DDX23: variants seen among roughly 807,000 people sequenced by gnomAD.
DDX23 encodes DEAD-box helicase 23.
Under a neutral mutation model 102.7 loss-of-function variants are expected in DDX23, and 33 were observed. The observed-to-expected ratio is 0.32, with a 90% CI of 0.24 to 0.43. DDX23 has a LOEUF of 0.43. Among genes scored for constraint, DDX23 ranks in the 20% least tolerant of loss-of-function variants. The pLI, the probability that DDX23 is intolerant of heterozygous loss-of-function variation, is 1.00. For synonymous variants in DDX23, 352 were observed against 376.0 expected, an observed-to-expected ratio of 0.94 and a Z score of 0.74; for missense variants, 549 against 1,086.6, an observed-to-expected ratio of 0.51 and a Z score of 6.96.
In DDX23 at chr12:48,843,941, T is replaced by C. The variant is rs1938618076; in HGVS notation, c.319A>G (p.Ser107Gly). 6.2e-7 allele frequency: 1 copy of C among 1,614,058 alleles called. No individual in the cohort carries two copies. The highest frequency in any genetic ancestry group is 8.5e-7 in the Non-Finnish European group (1 of 1,179,918). ...GCCCCCTCTCATTCCTTCATGTACC[T>C]GGATCGTTTACGGTCCTTGTCCCGT... ...HRRDKDRKRSSLSPGRGKDFK... is the reference protein window; with the variant it reads ...HRRDKDRKRSGLSPGRGKDFK... The change falls in exon 3 of 17, where the codon AGC (serine) becomes GGC (glycine). Residue 107 changes from serine (S) to glycine (G), a missense_variant and splice_region_variant. Physicochemically the swap from Ser to Gly is moderately conservative, Grantham distance 56. This residue lies in a region of DDX23 where 241 missense variants were observed against 267.0 expected (regional missense o/e 0.90). Coordinates refer to ENST00000308025, the MANE Select transcript of DDX23 (RefSeq NM_004818.3).
chr12:48,843,962 C>A lies in DDX23; in HGVS notation c.298G>T (p.Asp100Tyr), dbSNP rs1189150431. The change falls in exon 3 of 17, where the codon GAC (aspartate) becomes TAC (tyrosine). Residue 100 changes from aspartate (D) to tyrosine (Y), a missense_variant. By Grantham distance (160) the Asp-to-Tyr change is radical. Transcript: ENST00000308025. ...RDRDKDGHRR[D>Y]KDRKRSSLSP... ...TACCTGGATCGTTTACGGTCCTTGT[C>A]CCGTCTGTGCCCATCCTTGTCTCGA... The A allele has an allele frequency of 6.2e-7, 1 of 1,614,032 alleles. No homozygotes were observed. The highest frequency in any genetic ancestry group is 8.5e-7 in the Non-Finnish European group (1 of 1,180,014).
chr12:48,839,599 G>A (rs1439172340), intron 5 of DDX23: 1 of 332,074 alleles, frequency 3.0e-6, no homozygotes. Context: ...CTTTTAGGGT[G>A]AGCCCTAATC....
chr12:48,834,067 T>C (rs929184995), intron 12 of DDX23, among the ~76,000 whole-genome samples: 7 of 152,198 alleles, frequency 4.6e-5, no homozygotes, highest in African/African-American at 1.7e-4. Flanking sequence ...AGGCAGTTAT[T>C]AACCTGAACC....
chr12:48,840,098 G>C lies in DDX23; in HGVS notation c.329C>G (p.Pro110Arg). Residue 110 changes from proline to arginine, a missense_variant, in exon 4 of 17, where the codon CCT becomes CGT. Coordinates refer to ENST00000308025, the MANE Select transcript of DDX23 (RefSeq NM_004818.3). ...AGATTTAAAGTCTTTTCCTCGACCA[G>C]GAGATAAGCTTTGAGGAAAAGGAAC... ...DKDRKRSSLS[P>R]GRGKDFKSRK... 6.2e-7 allele frequency: 1 copy of C among 1,613,714 alleles called. No homozygotes were observed. Among genetic ancestry groups the C allele is most frequent in the Non-Finnish European group, 8.5e-7 (1 of 1,179,618 alleles).
chr12:48,848,313 A>C (rs973887509), intron 1 of DDX23, among the ~76,000 whole-genome samples: 5 of 152,158 alleles, frequency 3.3e-5, no homozygotes, highest in African/African-American at 4.8e-5. Flanking sequence ...AAAAACAAAA[A>C]AAAAAAGAAA....
At chr12:48,848,652 A>G (rs1310782429) in intron 1 of DDX23, among the ~76,000 whole-genome samples, 1 of 152,138 alleles carries the variant, frequency 6.6e-6, no homozygotes, top group Non-Finnish European at 1.5e-5. Context: ...TGGCACAATC[A>G]CGGCACACTG....
At chr12:48,835,400 T>C (rs1938455526) in intron 11 of DDX23, among the ~76,000 whole-genome samples, 1 of 151,756 alleles carries the variant, frequency 6.6e-6, no homozygotes, top group African/African-American at 2.4e-5. Flanking sequence ...TGGTGAAACC[T>C]CATCTCTACT....
Position 48,836,951 on chromosome 12 carries a change from C to T in DDX23, c.953G>A (p.Arg318His), listed in dbSNP as rs756597918. Residue 318 changes from arginine to histidine, a missense_variant, in exon 9 of 17, where the codon CGT (arginine) becomes CAT (histidine). This residue lies in a region of DDX23 where 270 missense variants were observed against 707.0 expected (regional missense o/e 0.38). Transcript: ENST00000308025. This position sits in a 1 kb window ranked among gnomAD's most constrained non-coding sequence, Gnocchi z 6.1. ...CTTCTCCATTAGGTCTCCATAGAAA[C>T]GTGACTGCTCTCGCTTCTGCTGCTT... is the stretch of plus-strand genomic sequence containing the variant. ...DLKQQKREQS[R>H]FYGDLMEKRR... The T allele has an allele frequency of 3.1e-6, 5 of 1,614,024 alleles. No individual in the cohort carries two copies. The highest frequency in any genetic ancestry group is 2.2e-5 in the South Asian group (2 of 91,090).
intron 4 of DDX23, 33 bp downstream of exon 4, chr12:48,839,980 T>G: frequency 1.9e-6 from 3 of 1,612,868 alleles, no homozygotes; most frequent in Non-Finnish European, 2.5e-6. Flanking sequence ...AACGCACGAG[T>G]TGAAGATGAA....
rs746493755 is a variant in DDX23 at position 48,832,556 on chromosome 12, G to T, written c.1821C>A (p.Ala607=). The change falls in exon 14 of 17, where the codon GCC becomes GCA. Residue 607 remains alanine (A), a synonymous_variant. Transcript: ENST00000308025. This position sits in a 1 kb window ranked among gnomAD's most constrained non-coding sequence, Gnocchi z 4.4. ...HKYRQTVMFT[A]TMPPAVERLA... is the part of the protein sequence containing the mutation. ...GACGCTCCACCGCTGGGGGCATGGT[G>T]GCCGTGAACATGACTGTCTACGAAA... is the stretch of plus-strand genomic sequence containing the variant. 1.9e-6 allele frequency: 3 copies of T among 1,613,990 alleles called. No individual in the cohort carries two copies. The Admixed American group carries it at 5.0e-5, about 27-fold the overall frequency.
chr12:48,835,708 C>T lies in DDX23; in HGVS notation c.1382+413G>A, dbSNP rs570961492. 2.0e-5 allele frequency among the ~76,000 whole-genome samples: 3 copies of T among 151,844 alleles called. No homozygotes were observed. In the South Asian group the frequency reaches 6.3e-4, roughly 32 times the overall value. ...CTGGGCAACAAGAGCGAAACTCCGT[C>T]TCAAAAAACAAAACAAAACAAAAAA... is the stretch of plus-strand genomic sequence containing the variant. On this transcript the variant is annotated intron_variant, in intron 11 of 16. Transcript: ENST00000308025.
At position 48,836,124 on chromosome 12, in the gene DDX23, T is replaced by C; in HGVS notation, c.1379A>G (p.Asp460Gly). 6.2e-7 allele frequency: 1 copy of C among 1,612,812 alleles called. No individual in the cohort carries two copies. Among genetic ancestry groups the C allele is most frequent in the Non-Finnish European group, 8.5e-7 (1 of 1,179,944 alleles). ...AGCTGGTGCTAGCTGACCTCACCTG[T>C]CAATTTTGGGAAGTGTGGTGATCCA... ...LVWITTLPKI[D>G]RIEESDQGPY... The change falls in exon 11 of 17, where the codon GAC becomes GGC. Residue 460 changes from aspartate to glycine, a missense_variant. By Grantham distance (94) the Asp-to-Gly change is moderately conservative (BLOSUM62 -1). Transcript: ENST00000308025. This position sits in a 1 kb window ranked among gnomAD's most constrained non-coding sequence, Gnocchi z 6.1.
chr12:48,839,305 TCCC>T (rs1170822357), intron 5 of DDX23, among the ~76,000 whole-genome samples: 11 of 151,114 alleles, frequency 7.3e-5, no homozygotes, highest in Admixed American at 7.3e-4. Context: ...ACGCCTGTAA[TCCC>T]AGCACTTTGT....
At position 48,845,626 on chromosome 12, in the gene DDX23, G is replaced by C. The variant is rs759990055; in HGVS notation, c.157C>G (p.Arg53Gly). 16 of 1,614,102 alleles carry C rather than the reference G, an allele frequency of 9.9e-6. No homozygotes were observed. Among genetic ancestry groups the C allele is most frequent in the Admixed American group, 3.3e-5 (2 of 60,008 alleles). The change falls in exon 2 of 17, where the codon CGT becomes GGT. Residue 53 changes from arginine (R) to glycine (G), a missense_variant. Physicochemically the swap from Arg to Gly is moderately radical, Grantham distance 125. This residue lies in a region of DDX23 where 241 missense variants were observed against 267.0 expected (regional missense o/e 0.90). Transcript: ENST00000308025. ...DRKRHRSRDR[R>G]RGGSRSRSRS... ...GAGCGAGAACGGCTGCCTCCTCGAC[G>C]TCTATCCCTTGAACGATGCCGCTTT...
At chr12:48,848,596 T>C (rs1045431990) in intron 1 of DDX23, among the ~76,000 whole-genome samples, 3 of 135,632 alleles carry the variant, frequency 2.2e-5, no homozygotes, top group African/African-American at 5.1e-5. Context: ...TTGTTGTTGT[T>C]GTTGTTGAGA....
At chr12:48,850,787 G>A (rs1157930055) in intron 1 of DDX23, among the ~76,000 whole-genome samples, 1 of 152,126 alleles carries the variant, frequency 6.6e-6, no homozygotes, top group Non-Finnish European at 1.5e-5. Flanking sequence ...AGGGAATAAG[G>A]GACAGGGAAG....
At chr12:48,833,207 A>G in intron 13 of DDX23, 70 bp downstream of exon 13, 7 of 1,590,562 alleles carry the variant, frequency 4.4e-6, no homozygotes, top group Admixed American at 1.7e-5. Flanking sequence ...CTGGTCTCAA[A>G]CTCCTGAGCT....
At chr12:48,835,443 C>T (rs1199889797) in intron 11 of DDX23, among the ~76,000 whole-genome samples, 1 of 151,912 alleles carries the variant, frequency 6.6e-6, no homozygotes, top group Non-Finnish European at 1.5e-5. Flanking sequence ...GGCACACTGG[C>T]TCACGCCTGT....
intron 1 of DDX23, among the ~76,000 whole-genome samples, chr12:48,846,777 A>G (rs1471010204): frequency 6.6e-6 from 1 of 152,160 alleles, no homozygotes; most frequent in Admixed American, 6.6e-5. Context: ...GATTTTCACA[A>G]CCTTGGTCAT....
Sources: allele counts gnomAD v4.1 joint callset (sites outside exome capture counted in the v4.1 genomes callset), GRCh38; gene constraint gnomAD v4.1.1; regional missense constraint gnomAD v4.1.1; non-coding constraint Gnocchi (gnomAD v3.1); transcripts MANE v1.5; gene names NCBI Gene and HGNC (gene_info 2026-07-23, HGNC 2026-07-21).